Variants in GCGR observed in about 807,000 individuals in gnomAD.
GCGR encodes the protein glucagon receptor.
A neutral mutation model predicts 56.1 loss-of-function variants in GCGR; 41 were observed. That is an observed-to-expected ratio of 0.73 (90% CI 0.57 to 0.95). GCGR has a LOEUF of 0.95. GCGR is among the 40% of genes least tolerant of loss of function. The probability of loss-of-function intolerance (pLI) is 0.00; values close to 1 mark genes in which losing one functional copy is unlikely to be tolerated. For missense variants in GCGR, 595 were observed against 638.2 expected, an observed-to-expected ratio of 0.93 and a Z score of 0.73; for synonymous variants, 278 against 271.1, an observed-to-expected ratio of 1.03 and a Z score of -0.25.
At position 81,810,877 on chromosome 17, in the gene GCGR, C is replaced by T; in HGVS notation, c.216C>T (p.Pro72=). The change falls in exon 4 of 14, where the codon CCC becomes CCT. Residue 72 remains proline, a synonymous_variant. Coordinates refer to ENST00000400723, the MANE Select transcript of GCGR (RefSeq NM_000160.5). This position sits in a 1 kb window ranked among gnomAD's most constrained non-coding sequence, Gnocchi z 4.6. ...FDKYSCWPDT[P]ANTTANISCP... ...AGTATTCCTGCTGGCCGGACACCCC[C>T]GCCAATACCACGGCCAACATCTCCT... The T allele has an allele frequency of 7.2e-6, 11 of 1,536,736 alleles. No homozygotes were observed. Among genetic ancestry groups the T allele is most frequent in the Non-Finnish European group, 8.7e-6 (10 of 1,146,880 alleles).
In GCGR at chr17:81,810,686, G is replaced by T; in HGVS notation, c.164-139G>T. 1.3e-6 allele frequency: 1 copy of T among 758,456 alleles called. No homozygotes were observed. Among genetic ancestry groups the T allele is most frequent in the East Asian group, 2.7e-5 (1 of 37,206 alleles). The allele number at this position is 758,456 out of a possible 1,614,324, so 47.0% of individuals were successfully genotyped here. A position where few individuals can be genotyped will look rare whatever the true frequency, so the allele number is the denominator to read the frequency against. ...TGGGGGAGGTGGAGGTCAAGTGGGG[G>T]AGGGAGCAGCCCAGGCCATGTCCTG... On this transcript the variant is annotated intron_variant, in intron 3 of 13. Coordinates refer to ENST00000400723, the MANE Select transcript of GCGR (RefSeq NM_000160.5). This position sits in a 1 kb window ranked among gnomAD's most constrained non-coding sequence, Gnocchi z 4.6.
Position 81,810,447 on chromosome 17 carries a change from G to A in GCGR, c.164-378G>A. On this transcript the variant is annotated intron_variant, in intron 3 of 13. Transcript: ENST00000400723. The surrounding 1 kb of genome is among the most constrained non-coding windows in gnomAD (Gnocchi z 4.6). The stretch of plus-strand genomic sequence containing the variant: ...GTTTGGCGATGCACCTGGGAAGGAT[G>A]AAAATGGCATTGGGGTTCAGCCCCC... 2.7e-6 allele frequency: 1 copy of A among 368,204 alleles called. No individual in the cohort carries two copies. Among genetic ancestry groups the A allele is most frequent in the Non-Finnish European group, 5.1e-6 (1 of 195,204 alleles). 22.8% of individuals were successfully genotyped at this position (368,204 alleles called of 1,614,324 possible).
Position 81,810,126 on chromosome 17 carries a change from C to T in GCGR, c.163+242C>T, listed in dbSNP as rs1598236455. On this transcript the variant is annotated intron_variant, in intron 3 of 13. Coordinates refer to ENST00000400723, the MANE Select transcript of GCGR (RefSeq NM_000160.5). The surrounding 1 kb of genome is among the most constrained non-coding windows in gnomAD (Gnocchi z 4.6). ...ACAGAACGGTGGCATTGCCCCAGAA[C>T]CGGCTGCTGCTGCTGCCCCCAGGCC... 3 of 585,004 alleles carry T rather than the reference C, an allele frequency of 5.1e-6. No individual in the cohort carries two copies. The highest frequency in any genetic ancestry group is 9.3e-6 in the Non-Finnish European group (3 of 321,190). 36.2% of individuals were successfully genotyped at this position (585,004 alleles called of 1,614,324 possible). A position where few individuals can be genotyped will look rare whatever the true frequency, so the allele number is the denominator to read the frequency against.
chr17:81,809,538 CCCGTCTGCCTGTCTGTCTGCCTGT>C lies in GCGR; in HGVS notation c.61-226_61-203del, dbSNP rs1259309758. On this transcript the variant is annotated intron_variant, in intron 2 of 13. Transcript: ENST00000400723. ...GTCTGCCTGCCTGTCTGCCTGTCTGCCCGTCTGCCTGTCTGTCTGCCTGTCCGTCTGCCTGTCTGTCCGTCTGTC... is the reference window on the plus strand; with the variant it reads ...GTCTGCCTGCCTGTCTGCCTGTCTGCCCGTCTGCCTGTCTGTCCGTCTGTC... 3.4e-4 allele frequency among the ~76,000 whole-genome samples: 36 copies of C among 105,704 alleles called. No individual in the cohort carries two copies. In the South Asian group the frequency reaches 4.8e-3, roughly 14 times the overall value. 69.3% of individuals were successfully genotyped at this position (105,704 alleles called of 152,430 possible). A position where few individuals can be genotyped will look rare whatever the true frequency, so the allele number is the denominator to read the frequency against.
chr17:81,813,572 C>T lies in GCGR; in HGVS notation c.1317C>T (p.Pro439=), dbSNP rs1213034589. 3.3e-5 allele frequency: 50 copies of T among 1,536,342 alleles called. No individual in the cohort carries two copies. Among genetic ancestry groups the T allele is most frequent in the Middle Eastern group, 1.7e-4 (1 of 5,952 alleles). ...NTSNHRASSS[P]GHGPPSKELQ... The stretch of plus-strand genomic sequence containing the variant: ...GCAACCACAGGGCCTCATCTTCGCC[C>T]GGCCACGGCCCTCCCAGCAAGGAGC... The change falls in exon 14 of 14, where the codon CCC becomes CCT. Residue 439 remains proline (P), a synonymous_variant. Coordinates refer to ENST00000400723, the MANE Select transcript of GCGR (RefSeq NM_000160.5). This position sits in a 1 kb window ranked among gnomAD's most constrained non-coding sequence, Gnocchi z 5.3.
intron 1 of GCGR, among the ~76,000 whole-genome samples, chr17:81,807,719 G>A (rs920768573): frequency 3.3e-5 from 5 of 152,340 alleles, no homozygotes; most frequent in South Asian, 2.1e-4. Flanking sequence ...CCAGCCACTC[G>A]CGGGACCCCG....
Position 81,808,893 on chromosome 17 carries a change from G to A in GCGR, c.-126G>A. On this transcript the variant is annotated 5_prime_UTR_variant, in exon 2 of 14. Transcript: ENST00000400723. ...CAGGGGAGGACACCCCACTGGCCAG[G>A]ACGCCCCAGGCTCTGCTGCTCTGCC... 1 of 1,186,606 alleles carries A rather than the reference G, an allele frequency of 8.4e-7. No homozygotes were observed. Among genetic ancestry groups the A allele is most frequent in the Non-Finnish European group, 1.2e-6 (1 of 831,850 alleles). The allele number at this position is 1,186,606 out of a possible 1,614,324, so 73.5% of individuals were successfully genotyped here.
Position 81,813,573 on chromosome 17 carries a change from G to A in GCGR, c.1318G>A (p.Gly440Ser), listed in dbSNP as rs183571856. Reference sequence around the variant, plus strand: ...CAACCACAGGGCCTCATCTTCGCCCGGCCACGGCCCTCCCAGCAAGGAGCT... The same window carrying A: ...CAACCACAGGGCCTCATCTTCGCCCAGCCACGGCCCTCCCAGCAAGGAGCT... ...TSNHRASSSP[G>S]HGPPSKELQF... Residue 440 changes from glycine (G) to serine (S), a missense_variant, in exon 14 of 14, where the codon GGC becomes AGC. Transcript: ENST00000400723. The surrounding 1 kb of genome is among the most constrained non-coding windows in gnomAD (Gnocchi z 5.3). 5.9e-5 allele frequency: 90 copies of A among 1,536,420 alleles called. No homozygotes were observed. In the African/African-American group the frequency reaches 8.8e-4, roughly 15 times the overall value.
intron 1 of GCGR, among the ~76,000 whole-genome samples, chr17:81,808,516 CT>C (rs998083389): frequency 2.0e-3 from 265 of 134,804 alleles, no homozygotes; most frequent in South Asian, 9.9e-3. Context: ...CTATCGCCCT[CT>C]TTTTTTTTTT....
In GCGR at chr17:81,811,817, G is replaced by A. The variant is rs879157191; in HGVS notation, c.817+7G>A. The A allele has an allele frequency of 6.5e-7, 1 of 1,536,170 alleles. No homozygotes were observed. ...TACCTGGGCATCGGCTGGGGTGAGT[G>A]GGCTGGCATGAGAGGGGGTTAAGGC... is the stretch of plus-strand genomic sequence containing the variant. On this transcript the variant is annotated splice_region_variant and intron_variant, in intron 8 of 13. Coordinates refer to ENST00000400723, the MANE Select transcript of GCGR (RefSeq NM_000160.5). The surrounding 1 kb of genome is among the most constrained non-coding windows in gnomAD (Gnocchi z 5.8).
At chr17:81,805,413 G>T (rs553428224) in intron 1 of GCGR, among the ~76,000 whole-genome samples, 122 of 152,304 alleles carry the variant, frequency 8.0e-4, no homozygotes, top group Admixed American at 4.7e-3. Context: ...GGCTGGTGTG[G>T]CCCGGCAGGC....
rs2038113109 is a variant in GCGR at position 81,812,050 on chromosome 17, AGGG to A, written c.878+107_878+109del. On this transcript the variant is annotated intron_variant, in intron 9 of 13. Coordinates refer to ENST00000400723, the MANE Select transcript of GCGR (RefSeq NM_000160.5). The surrounding 1 kb of genome is among the most constrained non-coding windows in gnomAD (Gnocchi z 8.5). ...CCGGGGATGAGCCTGGTGCCTGGGG[AGGG>A]GGTCATTTGTGACCTTCTCCCTTCC... is the stretch of plus-strand genomic sequence containing the variant. 1.3e-6 allele frequency: 2 copies of A among 1,493,950 alleles called. No homozygotes were observed. Among genetic ancestry groups the A allele is most frequent in the Admixed American group, 4.0e-5 (2 of 49,954 alleles). 92.5% of individuals were successfully genotyped at this position (1,493,950 alleles called of 1,614,324 possible). A position where few individuals can be genotyped will look rare whatever the true frequency, so the allele number is the denominator to read the frequency against.
chr17:81,811,794 C>T lies in GCGR; in HGVS notation c.801C>T (p.Tyr267=). The T allele has an allele frequency of 6.5e-7, 1 of 1,537,432 alleles. No homozygotes were observed. The highest frequency in any genetic ancestry group is 8.7e-7 in the Non-Finnish European group (1 of 1,147,042). The part of the protein sequence containing the change: ...TLPERSFFSL[Y]LGIGWGAPML... ...CCGAGAGGAGCTTCTTCAGCCTCTA[C>T]CTGGGCATCGGCTGGGGTGAGTGGG... Residue 267 remains tyrosine (Y), a synonymous_variant, in exon 8 of 14, where the codon TAC becomes TAT. Coordinates refer to ENST00000400723, the MANE Select transcript of GCGR (RefSeq NM_000160.5). The surrounding 1 kb of genome is among the most constrained non-coding windows in gnomAD (Gnocchi z 5.8).
Position 81,812,947 on chromosome 17 carries a change from TGCCC to T in GCGR, c.1176+14_1176+17del, listed in dbSNP as rs1193137539. ...GACCTCTTCCTCAGCTCCTTCCAGG[TGCCC>T]GCCCGCCCGCCGGCTCCCCCGCCCG... On this transcript the variant is annotated splice_donor_5th_base_variant and intron_variant, in intron 12 of 13. Coordinates refer to ENST00000400723, the MANE Select transcript of GCGR (RefSeq NM_000160.5). The surrounding 1 kb of genome is among the most constrained non-coding windows in gnomAD (Gnocchi z 8.5). 25 of 1,535,514 alleles carry T rather than the reference TGCCC, an allele frequency of 1.6e-5. No individual in the cohort carries two copies. Among genetic ancestry groups the T allele is most frequent in the Middle Eastern group, 1.7e-4 (1 of 6,000 alleles).
chr17:81,808,273 C>T (rs967421378), intron 1 of GCGR, among the ~76,000 whole-genome samples: 18 of 152,242 alleles, frequency 1.2e-4, no homozygotes, highest in African/African-American at 4.3e-4. Context: ...GGCAAGCCAG[C>T]TTTCCCAGGG....
Position 81,811,810 on chromosome 17 carries a change from G to C in GCGR, c.817G>C (p.Gly273Arg). The change falls in exon 8 of 14, where the codon GGT becomes CGT. Residue 273 changes from glycine (G) to arginine (R), a missense_variant and splice_region_variant. By Grantham distance (125) the Gly-to-Arg change is moderately radical. Transcript: ENST00000400723. The surrounding 1 kb of genome is among the most constrained non-coding windows in gnomAD (Gnocchi z 5.8). ...FFSLYLGIGW[G>R]APMLFVVPWA... ...CAGCCTCTACCTGGGCATCGGCTGG[G>C]GTGAGTGGGCTGGCATGAGAGGGGG... 6.5e-7 allele frequency: 1 copy of C among 1,537,148 alleles called. No individual in the cohort carries two copies. The highest frequency in any genetic ancestry group is 1.7e-4 in the Middle Eastern group (1 of 5,990).
rs1361576793 is a variant in GCGR, at chr17:81,812,826, A to G, written c.1057A>G (p.Thr353Ala). Residue 353 changes from threonine to alanine, a missense_variant, in exon 12 of 14, where the codon ACC (threonine) becomes GCC (alanine). By Grantham distance (58) the Thr-to-Ala change is moderately conservative (BLOSUM62 0). Transcript: ENST00000400723. This position sits in a 1 kb window ranked among gnomAD's most constrained non-coding sequence, Gnocchi z 8.5. ...CTGCAGGCTGGCCAAGTCCACGCTG[A>G]CCCTCATCCCTCTGCTGGGCGTCCA... ...YKFRLAKSTL[T>A]LIPLLGVHEV... The G allele has an allele frequency of 3.3e-6, 5 of 1,535,716 alleles. No homozygotes were observed. In the Admixed American group the frequency reaches 7.8e-5, roughly 24 times the overall value.
chr17:81,804,418 TC>T lies in GCGR; in HGVS notation c.-178+172del, dbSNP rs1262966193. On this transcript the variant is annotated intron_variant, in intron 1 of 13. Transcript: ENST00000400723. The surrounding 1 kb of genome is among the most constrained non-coding windows in gnomAD (Gnocchi z 8.2). ...CCTCAGTCCCGTCAGACACCCCCGT[TC>T]CCAACCCCGGCTCGGACACCACCCG... Among the ~76,000 whole-genome samples, 5 of 151,434 alleles carry T rather than the reference TC, an allele frequency of 3.3e-5. No homozygotes were observed. The East Asian group carries it at 7.8e-4, about 24-fold the overall frequency.
rs2038142542 is a variant in GCGR, at chr17:81,813,328, C to A, written c.1219-146C>A. On this transcript the variant is annotated intron_variant, in intron 13 of 13. Coordinates refer to ENST00000400723, the MANE Select transcript of GCGR (RefSeq NM_000160.5). This position sits in a 1 kb window ranked among gnomAD's most constrained non-coding sequence, Gnocchi z 5.3. The stretch of plus-strand genomic sequence containing the variant: ...TGCTTTCCGTGGCGATGCTGGGTGG[C>A]ATAGCTGTGCCCAGCAGGGAGCTTG... 2.2e-6 allele frequency: 2 copies of A among 890,208 alleles called. No individual in the cohort carries two copies. Among genetic ancestry groups the A allele is most frequent in the South Asian group, 1.6e-5 (1 of 60,694 alleles). 55.1% of individuals were successfully genotyped at this position (890,208 alleles called of 1,614,324 possible).
Sources: allele counts gnomAD v4.1 joint callset (sites outside exome capture counted in the v4.1 genomes callset), GRCh38; gene constraint gnomAD v4.1.1; non-coding constraint Gnocchi (gnomAD v3.1); transcripts MANE v1.5; gene names NCBI Gene and HGNC (gene_info 2026-07-23, HGNC 2026-07-21).